The following SLC25A31 variants were observed in gnomAD, a reference collection of about 807,000 sequenced individuals.
SLC25A31 encodes the protein solute carrier family 25 member 31.
In SLC25A31, 40 loss-of-function variants were observed where a neutral mutation model predicts 36.2. The ratio of observed to expected loss-of-function variants is 1.10; its 90% CI spans 0.86 to 1.44. SLC25A31 has a LOEUF of 1.44. SLC25A31 is among the 40% of genes most tolerant of loss of function. The pLI is 0.00. For missense variants in SLC25A31, 350 were observed against 397.1 expected (o/e 0.88, Z 1.01); for synonymous variants, 143 against 149.7 (o/e 0.96, Z 0.32).
chr4:127,768,592 C>G (rs963775888), intron 4 of SLC25A31, among the ~76,000 whole-genome samples, 160 bp from the exon 5 acceptor site: 26 of 152,124 alleles, frequency 1.7e-4, no homozygotes, highest in African/African-American at 6.3e-4. Context: ...GTGTGGCATT[C>G]CACTTTTTAT....
intron 5 of SLC25A31, among the ~76,000 whole-genome samples, chr4:127,769,844 A>G (rs902895160): frequency 1.3e-5 from 2 of 152,236 alleles, no homozygotes; most frequent in African/African-American, 4.8e-5. Context: ...GCATAGGGGG[A>G]AAATCGTACA....
At chr4:127,771,794 A>G (rs561754388) in intron 5 of SLC25A31, among the ~76,000 whole-genome samples, 16 of 152,350 alleles carry the variant, frequency 1.1e-4, no homozygotes, top group Middle Eastern at 3.4e-3. Flanking sequence ...CTGGATTACA[A>G]CAATTTTTAA....
rs986642764 is a variant in SLC25A31 at position 127,754,694 on chromosome 4, A to G, written c.361-9549A>G. On this transcript the variant is annotated intron_variant, in intron 2 of 5. Transcript: ENST00000281154. The stretch of plus-strand genomic sequence containing the variant: ...GGAACGCACAAGTAACTGGAAGCTC[A>G]TCGTGTGTTCATAGTTTGGAAAAAT... 5.9e-5 allele frequency among the ~76,000 whole-genome samples: 9 copies of G among 152,156 alleles called. 1 individual carries two copies. The highest frequency in any genetic ancestry group is 1.3e-4 in the Admixed American group (2 of 15,274).
At chr4:127,756,753 AT>A (rs1732039376) in intron 2 of SLC25A31, among the ~76,000 whole-genome samples, 1 of 152,146 alleles carries the variant, frequency 6.6e-6, no homozygotes, top group Admixed American at 6.5e-5. Flanking sequence ...GTACCGAAAA[AT>A]TTTTTTAAGT....
chr4:127,736,346 TTTTA>T (rs965986710), intron 1 of SLC25A31, among the ~76,000 whole-genome samples: 7 of 152,156 alleles, frequency 4.6e-5, no homozygotes, highest in South Asian at 2.1e-4. Context: ...AAACTTAAAC[TTTTA>T]TTTATTTATT....
intron 2 of SLC25A31, among the ~76,000 whole-genome samples, chr4:127,758,806 C>T (rs947097019): frequency 4.0e-5 from 6 of 151,764 alleles, no homozygotes; most frequent in African/African-American, 1.4e-4. Context: ...TTTCTGGGTT[C>T]TTTATTTGCT....
At chr4:127,746,812 A>G (rs757442105) in intron 2 of SLC25A31, among the ~76,000 whole-genome samples, 1 of 152,046 alleles carries the variant, frequency 6.6e-6, no homozygotes, top group Admixed American at 6.6e-5. Context: ...TTTTGTTGCA[A>G]TTGCTTTTGG....
chr4:127,735,718 A>G (rs561030934), intron 1 of SLC25A31, among the ~76,000 whole-genome samples: 1 of 150,998 alleles, frequency 6.6e-6, no homozygotes, highest in Admixed American at 6.6e-5. Flanking sequence ...GCAAAGGTAT[A>G]TAATTTATTA....
rs543084090 is a variant in SLC25A31, at chr4:127,749,778, T to C, written c.360+4979T>C. 7.3e-5 allele frequency among the ~76,000 whole-genome samples: 11 copies of C among 150,662 alleles called. No homozygotes were observed. In the South Asian group the frequency reaches 2.3e-3, roughly 32 times the overall value. On this transcript the variant is annotated intron_variant, in intron 2 of 5. Transcript: ENST00000281154. ...ATCCCAGATCCTGAGGAGGCTGGGA[T>C]AACTCTGGTTATCCTGAATACTTGA...
At chr4:127,742,534 T>C (rs1731751626) in intron 1 of SLC25A31, among the ~76,000 whole-genome samples, 1 of 152,230 alleles carries the variant, frequency 6.6e-6, no homozygotes, top group South Asian at 2.1e-4. Context: ...GATTGATCTG[T>C]TCTCCTCAGA....
At chr4:127,739,573 T>C (rs1731696542) in intron 1 of SLC25A31, among the ~76,000 whole-genome samples, 1 of 152,166 alleles carries the variant, frequency 6.6e-6, no homozygotes, top group Admixed American at 6.5e-5. Context: ...TATGCCTTGG[T>C]GATTGATGTT....
At position 127,733,077 on chromosome 4, in the gene SLC25A31, T is replaced by C. The variant is rs374764671; in HGVS notation, c.232+2300T>C. 2.2e-4 allele frequency among the ~76,000 whole-genome samples: 34 copies of C among 152,342 alleles called. No homozygotes were observed. In the East Asian group the frequency reaches 6.4e-3, roughly 29 times the overall value. On this transcript the variant is annotated intron_variant, in intron 1 of 5. Transcript: ENST00000281154. ...TCTCTAAGCCTAGAAATAACTTAAC[T>C]CTGATTTACTTATAAACACATTGTC...
chr4:127,749,708 CAAAAA>C (rs34540386), intron 2 of SLC25A31, among the ~76,000 whole-genome samples: 1 of 106,156 alleles, frequency 9.4e-6, no homozygotes, highest in Non-Finnish European at 1.9e-5. Context: ...GACTCCATCT[CAAAAA>C]AAAAAAAAAA....
chr4:127,771,572 C>T (rs550124799), intron 5 of SLC25A31, among the ~76,000 whole-genome samples: 2 of 152,234 alleles, frequency 1.3e-5, no homozygotes, highest in South Asian at 4.2e-4. Context: ...TTCTTCCTTC[C>T]TTATCAATTC....
Position 127,773,542 on chromosome 4 carries a change from G to GAA in SLC25A31, c.917_918dup (p.Phe307AsnfsTer22). 6.2e-7 allele frequency: 1 copy of GAA among 1,601,716 alleles called. No individual in the cohort carries two copies. Among genetic ancestry groups the GAA allele is most frequent in the Non-Finnish European group, 8.5e-7 (1 of 1,176,322 alleles). ...GTTGGTATTATATGATAAAATTAAA[G>GAA]AATTCTTTCATATTGATATTGGTGG... On this transcript the variant is annotated frameshift_variant, in exon 6 of 6. Coordinates refer to ENST00000281154, the MANE Select transcript of SLC25A31 (RefSeq NM_031291.4). LOFTEE classifies it high-confidence loss of function.
Position 127,743,024 on chromosome 4 carries a change from T to C in SLC25A31, c.233-1648T>C, listed in dbSNP as rs534729991. ...ATTTTAGAACTTTTCTGTGATTTGT[T>C]TCTCCAGAAATCCAAGCCTAGAGTA... On this transcript the variant is annotated intron_variant, in intron 1 of 5. Transcript: ENST00000281154. 1.3e-3 allele frequency among the ~76,000 whole-genome samples: 202 copies of C among 152,242 alleles called. 1 individual carries two copies. The highest frequency in any genetic ancestry group is 3.4e-3 in the Middle Eastern group (1 of 294).
chr4:127,743,890 T>G (rs917500849), intron 1 of SLC25A31, among the ~76,000 whole-genome samples: 1 of 152,228 alleles, frequency 6.6e-6, no homozygotes, highest in Non-Finnish European at 1.5e-5. Flanking sequence ...TTCTCCGAAC[T>G]GGTGCTAGAG....
intron 2 of SLC25A31, among the ~76,000 whole-genome samples, chr4:127,757,333 A>G (rs142111070): frequency 3.3e-5 from 5 of 152,182 alleles, no homozygotes; most frequent in Admixed American, 1.3e-4. Context: ...TTCCACCTTT[A>G]TGTCCACACG....
Position 127,744,797 on chromosome 4 carries a change from CA to C in SLC25A31, c.359del (p.Gln120ArgfsTer23). 1 of 1,492,236 alleles carries C rather than the reference CA, an allele frequency of 6.7e-7. No individual in the cohort carries two copies. The highest frequency in any genetic ancestry group is 9.0e-7 in the Non-Finnish European group (1 of 1,110,228). The allele number at this position is 1,492,236 out of a possible 1,614,324, so 92.4% of individuals were successfully genotyped here. ...LFMSGVNKEK[Q>X]FWRWFLANLA... ...CATGTCTGGAGTTAATAAAGAAAAA[CA>C]GGTAATTATATTTTTTTTTTACTTT... On this transcript the variant is annotated frameshift_variant and splice_region_variant, in exon 2 of 6. Transcript: ENST00000281154. LOFTEE classifies it high-confidence loss of function.
Sources: gnomAD v4.1 joint callset for allele counts (sites outside exome capture counted in the v4.1 genomes callset) on GRCh38, gnomAD v4.1.1 for gene constraint, MANE v1.5 for transcripts, NCBI Gene and HGNC (gene_info 2026-07-23, HGNC 2026-07-21) for gene names.